The following VAV3 variants were observed in gnomAD, a reference collection of about 807,000 sequenced individuals.
VAV3 encodes the protein vav guanine nucleotide exchange factor 3.
In VAV3, 94 loss-of-function variants were observed where a neutral mutation model predicts 131.2. The ratio of observed to expected loss-of-function variants is 0.72; its 90% CI spans 0.61 to 0.85. The LOEUF is 0.85. Ranked by LOEUF, VAV3 falls within the 40% of genes least tolerant of loss-of-function variation. VAV3 has a pLI of 0.00. For missense variants in VAV3, 939 were observed against 1,002.7 expected (o/e 0.94, Z 0.86); for synonymous variants, 349 against 342.0 (o/e 1.02, Z -0.22).
intron 1 of VAV3, among the ~76,000 whole-genome samples, chr1:107,935,666 G>A (rs900734401): frequency 6.6e-6 from 1 of 152,170 alleles, no homozygotes; most frequent in African/African-American, 2.4e-5. Flanking sequence ...GTAGGCAGAG[G>A]CAAAGGGACA....
chr1:107,700,745 G>A (rs929028176), intron 17 of VAV3, among the ~76,000 whole-genome samples: 6 of 152,310 alleles, frequency 3.9e-5, no homozygotes, highest in Non-Finnish European at 7.4e-5. Flanking sequence ...ATTGTGAATA[G>A]TGCTGCAGTG....
intron 20 of VAV3, among the ~76,000 whole-genome samples, chr1:107,631,226 G>A (rs954278886): frequency 2.6e-5 from 4 of 151,238 alleles, no homozygotes; most frequent in East Asian, 1.9e-4. Flanking sequence ...TAAATGCATT[G>A]TTATCATAAT....
chr1:107,941,468 C>T (rs529264901), intron 1 of VAV3, among the ~76,000 whole-genome samples: 5 of 152,240 alleles, frequency 3.3e-5, no homozygotes, highest in African/African-American at 4.8e-5. Context: ...CTAGAAGATT[C>T]GAGAACTTCT....
chr1:107,949,634 T>C (rs528732756), intron 1 of VAV3, among the ~76,000 whole-genome samples: 1 of 152,314 alleles, frequency 6.6e-6, no homozygotes, highest in East Asian at 1.9e-4. Flanking sequence ...CCCAAATCTT[T>C]TGTGTTACCA....
intron 1 of VAV3, among the ~76,000 whole-genome samples, chr1:107,952,641 C>T (rs1293827887): frequency 6.6e-6 from 1 of 151,770 alleles, no homozygotes; most frequent in Non-Finnish European, 1.5e-5. Context: ...ACCTACCAAA[C>T]TTTAGCCATG....
chr1:107,623,140 C>T (rs1192842002), intron 20 of VAV3, among the ~76,000 whole-genome samples: 3 of 152,126 alleles, frequency 2.0e-5, no homozygotes, highest in Admixed American at 2.0e-4. Flanking sequence ...AAGGCAGTAT[C>T]ATAGGATGTG....
intron 20 of VAV3, among the ~76,000 whole-genome samples, chr1:107,632,503 A>G (rs1159904019): frequency 6.6e-6 from 1 of 152,226 alleles, no homozygotes. Context: ...CCAGTGGTTC[A>G]TTTCAATAAA....
intron 25 of VAV3, among the ~76,000 whole-genome samples, chr1:107,583,002 T>G (rs1223833540): frequency 2.0e-5 from 3 of 152,192 alleles, no homozygotes; most frequent in Non-Finnish European, 2.9e-5. Flanking sequence ...ACTTCCACAA[T>G]GGTTGAACTA....
intron 19 of VAV3, among the ~76,000 whole-genome samples, chr1:107,679,901 A>T (rs1658482651): frequency 1.3e-5 from 2 of 152,200 alleles, no homozygotes; most frequent in African/African-American, 4.8e-5. Context: ...TCCCTGCTAT[A>T]TTTAAGAAAT....
chr1:107,772,638 A>C, intron 5 of VAV3, 97 bp downstream of exon 5: 1 of 1,029,850 alleles, frequency 9.7e-7, no homozygotes, highest in Non-Finnish European at 1.4e-6. Context: ...AGCAAAGGTT[A>C]AAAAAAATCC....
intron 15 of VAV3, among the ~76,000 whole-genome samples, chr1:107,715,624 T>C (rs965735684): frequency 2.6e-5 from 4 of 152,346 alleles, no homozygotes; most frequent in Non-Finnish European, 4.4e-5. Flanking sequence ...GGTTCTCCAG[T>C]TAATTTGAAC....
chr1:107,797,722 T>C (rs1386744018), intron 2 of VAV3, among the ~76,000 whole-genome samples: 1 of 152,138 alleles, frequency 6.6e-6, no homozygotes, highest in Non-Finnish European at 1.5e-5. Context: ...GACCTTTAGG[T>C]TGGGGTAAAA....
At chr1:107,813,603 T>A (rs1455726499) in intron 2 of VAV3, among the ~76,000 whole-genome samples, 2 of 152,232 alleles carry the variant, frequency 1.3e-5, no homozygotes, top group Non-Finnish European at 2.9e-5. Context: ...AATTTCTATG[T>A]GTTGGAACAT....
At chr1:107,676,029 G>A (rs2494051) in intron 19 of VAV3, among the ~76,000 whole-genome samples, 94,150 of 152,058 alleles carry the variant, frequency 0.62, 29,765 homozygotes, top group Middle Eastern at 0.75. Context: ...GACAAGGTAG[G>A]AGAGGTGGAA....
chr1:107,710,453 G>A (rs1464225777), intron 15 of VAV3, among the ~76,000 whole-genome samples: 1 of 152,140 alleles, frequency 6.6e-6, no homozygotes, highest in Non-Finnish European at 1.5e-5. Flanking sequence ...AGCTTTGTGT[G>A]TGTTGCTAAA....
At chr1:107,851,180 A>G (rs1669208241) in intron 2 of VAV3, among the ~76,000 whole-genome samples, 1 of 151,642 alleles carries the variant, frequency 6.6e-6, no homozygotes, top group South Asian at 2.1e-4. Context: ...TCAAAAAAAA[A>G]AAAAAAAAAA....
At chr1:107,779,168 TA>T (rs34837829) in intron 3 of VAV3, among the ~76,000 whole-genome samples, 727 of 140,314 alleles carry the variant, frequency 5.2e-3, no homozygotes, top group Middle Eastern at 7.6e-3. Flanking sequence ...GGAGGAAAGT[TA>T]AAAAAAAAAA....
At chr1:107,579,539 C>T (rs1307266382) in intron 25 of VAV3, among the ~76,000 whole-genome samples, 1 of 152,176 alleles carries the variant, frequency 6.6e-6, no homozygotes, top group Non-Finnish European at 1.5e-5. Context: ...TCTTTCTCTG[C>T]AATATGAAGT....
rs200312853 is a variant in VAV3 at position 107,688,391 on chromosome 1, T to C, written c.1721A>G (p.Lys574Arg). Residue 574 changes from lysine to arginine, a missense_variant, in exon 18 of 27, where the codon AAA becomes AGA. Physicochemically the swap from Lys to Arg is conservative, Grantham distance 26. Coordinates refer to ENST00000370056, the MANE Select transcript of VAV3 (RefSeq NM_006113.5). Reference protein sequence around the residue: ...RVNSGEQGTLKLPEKRTNGLR... With the variant: ...RVNSGEQGTLRLPEKRTNGLR... ...AAATGTTAATCTTACCTCTGGTAGT[T>C]TGAGTGTCCCTTGTTCTGAAAGAAA... is the stretch of plus-strand genomic sequence containing the variant. 4 of 1,613,316 alleles carry C rather than the reference T, an allele frequency of 2.5e-6. No individual in the cohort carries two copies. Among genetic ancestry groups the C allele is most frequent in the Non-Finnish European group, 2.5e-6 (3 of 1,179,650 alleles).
Sources: gnomAD v4.1 joint callset for allele counts (sites outside exome capture counted in the v4.1 genomes callset) on GRCh38, gnomAD v4.1.1 for gene constraint, MANE v1.5 for transcripts, NCBI Gene and HGNC (gene_info 2026-07-23, HGNC 2026-07-21) for gene names.